Variants in ABHD17C observed in about 807,000 individuals in gnomAD.
The protein encoded by ABHD17C is alpha/beta hydrolase domain-containing protein 17C.
A neutral mutation model predicts 27.9 loss-of-function variants in ABHD17C; 11 were observed. The observed-to-expected ratio is 0.39, with a 90% confidence interval of 0.25 to 0.65. The LOEUF is 0.65. ABHD17C is among the 30% of genes least tolerant of loss of function. The pLI is 0.45. For synonymous variants in ABHD17C, 233 were observed against 209.1 expected, an observed-to-expected ratio of 1.11 and a Z score of -0.98; for missense variants, 280 against 470.2, an observed-to-expected ratio of 0.60 and a Z score of 3.74.
chr15:80,696,510 A>C (rs936109322), intron 1 of ABHD17C, among the ~76,000 whole-genome samples: 1 of 152,210 alleles, frequency 6.6e-6, no homozygotes, highest in Non-Finnish European at 1.5e-5. Flanking sequence ...AAGTGCGGGC[A>C]GGACAATGTC....
chr15:80,749,646 G>T lies in ABHD17C; in HGVS notation c.724G>T (p.Ala242Ser), dbSNP rs1830718401. ...CCCTCTGATGTCTGGTTTGCGTGTG[G>T]CTTTTCCGGATACCAGGAAAACATA... Reference protein sequence around the residue: ...HSPLMSGLRVAFPDTRKTYCF... With the variant: ...HSPLMSGLRVSFPDTRKTYCF... Residue 242 changes from alanine to serine, a missense_variant, in exon 2 of 3, where the codon GCT becomes TCT. Transcript: ENST00000258884. The T allele has an allele frequency of 6.2e-7, 1 of 1,613,842 alleles. No individual in the cohort carries two copies. Among genetic ancestry groups the T allele is most frequent in the Admixed American group, 1.7e-5 (1 of 59,996 alleles).
chr15:80,708,957 A>G (rs1326239340), intron 1 of ABHD17C, among the ~76,000 whole-genome samples: 1 of 152,070 alleles, frequency 6.6e-6, no homozygotes, highest in Non-Finnish European at 1.5e-5. Context: ...GGGGACATGA[A>G]GTTCCTGAGG....
At chr15:80,705,010 ACT>A (rs1302018126) in intron 1 of ABHD17C, 1 of 152,210 alleles carries the variant, frequency 6.6e-6, no homozygotes, top group Non-Finnish European at 1.5e-5. Context: ...GGGCTATGGG[ACT>A]GCTGATGAGA....
chr15:80,750,767 T>G (rs1312848977), intron 2 of ABHD17C, among the ~76,000 whole-genome samples: 1 of 152,058 alleles, frequency 6.6e-6, no homozygotes, highest in East Asian at 1.9e-4. Flanking sequence ...GCCTCTCAAA[T>G]GTGGCCTTAT....
chr15:80,719,749 C>CATGATTTCTTTATATTACATT lies in ABHD17C; in HGVS notation c.590+23731_590+23751dup, dbSNP rs535319824. ...TATATATCTAATTTCATCTTTGAATCATGATTTCTTTATATTACATTTTAC... is the reference window on the plus strand; with the variant it reads ...TATATATCTAATTTCATCTTTGAATCATGATTTCTTTATATTACATTATGATTTCTTTATATTACATTTTAC... On this transcript the variant is annotated intron_variant, in intron 1 of 2. Coordinates refer to ENST00000258884, the MANE Select transcript of ABHD17C (RefSeq NM_021214.2). Among the ~76,000 whole-genome samples, 53 of 152,292 alleles carry CATGATTTCTTTATATTACATT rather than the reference C, an allele frequency of 3.5e-4. No individual in the cohort carries two copies. In the East Asian group the frequency reaches 3.7e-3, roughly 11 times the overall value.
chr15:80,722,558 T>C (rs1249405875), intron 1 of ABHD17C, among the ~76,000 whole-genome samples: 1 of 152,020 alleles, frequency 6.6e-6, no homozygotes, highest in Non-Finnish European at 1.5e-5. Flanking sequence ...TTTTTTTTTT[T>C]CCTTTTGTGG....
At chr15:80,719,769 T>C (rs1894865586) in intron 1 of ABHD17C, among the ~76,000 whole-genome samples, 1 of 152,184 alleles carries the variant, frequency 6.6e-6, no homozygotes, top group African/African-American at 2.4e-5. Context: ...TTATATTACA[T>C]TTTACATTTC....
At position 80,722,483 on chromosome 15, in the gene ABHD17C, A is replaced by T. The variant is rs375006697; in HGVS notation, c.590+26464A>T. Among the ~76,000 whole-genome samples the T allele has an allele frequency of 1.1e-4, 16 of 152,284 alleles. No homozygotes were observed. The East Asian group carries it at 1.4e-3, about 13-fold the overall frequency. On this transcript the variant is annotated intron_variant, in intron 1 of 2. Coordinates refer to ENST00000258884, the MANE Select transcript of ABHD17C (RefSeq NM_021214.2). ...TGAAGTTTACACCTATGAAACCATC[A>T]AACTGTCATCACTGTTGTTGCCATA... is the stretch of plus-strand genomic sequence containing the variant.
At chr15:80,702,887 G>A (rs1328520341) in intron 1 of ABHD17C, 1 of 152,148 alleles carries the variant, frequency 6.6e-6, no homozygotes, top group Non-Finnish European at 1.5e-5. Context: ...TCTAAAAGAT[G>A]TGATTCAAAA....
At chr15:80,708,915 G>A (rs1214536364) in intron 1 of ABHD17C, among the ~76,000 whole-genome samples, 1 of 152,184 alleles carries the variant, frequency 6.6e-6, no homozygotes, top group East Asian at 1.9e-4. Flanking sequence ...AGGCCTGCAA[G>A]GGAGGGTGAG....
chr15:80,753,433 G>C (rs1017446196), intron 2 of ABHD17C, among the ~76,000 whole-genome samples: 2 of 152,212 alleles, frequency 1.3e-5, no homozygotes, highest in East Asian at 3.8e-4. Flanking sequence ...ACCAACGTTG[G>C]TGTTTTAGTT....
intron 1 of ABHD17C, among the ~76,000 whole-genome samples, chr15:80,707,672 G>A (rs1894667046): frequency 6.6e-6 from 1 of 152,152 alleles, no homozygotes; most frequent in South Asian, 2.1e-4. Context: ...GGTTGGACAA[G>A]CTTAATCTGG....
chr15:80,747,393 C>T (rs1302625543), intron 1 of ABHD17C, among the ~76,000 whole-genome samples: 1 of 152,172 alleles, frequency 6.6e-6, no homozygotes, highest in Non-Finnish European at 1.5e-5. Context: ...ACGGCCCTCC[C>T]AGTCCGTGAA....
intron 1 of ABHD17C, among the ~76,000 whole-genome samples, chr15:80,723,305 T>C (rs1175743749): frequency 6.6e-6 from 1 of 152,210 alleles, no homozygotes; most frequent in Non-Finnish European, 1.5e-5. Flanking sequence ...GGGTCACCAC[T>C]GACTTCTCAG....
chr15:80,725,213 G>A (rs1319542205), intron 1 of ABHD17C, among the ~76,000 whole-genome samples: 1 of 152,156 alleles, frequency 6.6e-6, no homozygotes, highest in Non-Finnish European at 1.5e-5. Context: ...ACCAAAATTT[G>A]CCCCAAACAC....
At chr15:80,744,135 C>G (rs1371785382) in intron 1 of ABHD17C, among the ~76,000 whole-genome samples, 1 of 142,014 alleles carries the variant, frequency 7.0e-6, no homozygotes, top group Non-Finnish European at 1.5e-5. Context: ...GTAATTTAAT[C>G]TGAGAACTAA....
At chr15:80,742,161 T>A (rs961446398) in intron 1 of ABHD17C, among the ~76,000 whole-genome samples, 1 of 152,200 alleles carries the variant, frequency 6.6e-6, no homozygotes, top group South Asian at 2.1e-4. Flanking sequence ...AGAGGAGATT[T>A]TTTTTATGGG....
intron 1 of ABHD17C, among the ~76,000 whole-genome samples, chr15:80,706,315 C>G (rs948708282): frequency 2.6e-5 from 4 of 152,124 alleles, no homozygotes; most frequent in Non-Finnish European, 5.9e-5. Context: ...CCTCTGTTTT[C>G]CAGGAAGTCG....
At chr15:80,749,961 A>G (rs1895343664) in intron 2 of ABHD17C, among the ~76,000 whole-genome samples, 1 of 152,166 alleles carries the variant, frequency 6.6e-6, no homozygotes, top group Non-Finnish European at 1.5e-5. Context: ...GAGCTCTAAT[A>G]TACAGGATTT....
Sources: allele counts gnomAD v4.1 joint callset (sites outside exome capture counted in the v4.1 genomes callset), GRCh38; gene constraint gnomAD v4.1.1; transcripts MANE v1.5; gene names NCBI Gene and HGNC (gene_info 2026-07-23, HGNC 2026-07-21).